HK2: variants seen among roughly 807,000 people sequenced by gnomAD.
HK2 encodes the protein hexokinase 2.
In HK2, 42 loss-of-function variants were observed where a neutral mutation model predicts 92.9. The ratio of observed to expected loss-of-function variants is 0.45; its 90% CI spans 0.35 to 0.58. The LOEUF is 0.58. HK2 is among the 20% of genes least tolerant of loss of function. HK2 has a pLI of 0.00. For synonymous variants in HK2, 422 were observed against 468.0 expected, an observed-to-expected ratio of 0.90 and a Z score of 1.27; for missense variants, 978 against 1,245.1, an observed-to-expected ratio of 0.79 and a Z score of 3.23.
rs181471300 is a variant in HK2, at chr2:74,837,583, C to T, written c.63+2940C>T. Among the ~76,000 whole-genome samples the T allele has an allele frequency of 3.3e-3, 503 of 152,246 alleles. 13 individuals carry two copies. Among genetic ancestry groups the T allele is most frequent in the Admixed American group, 0.029 (451 of 15,292 alleles). On this transcript the variant is annotated intron_variant, in intron 1 of 17. Coordinates refer to ENST00000290573, the MANE Select transcript of HK2 (RefSeq NM_000189.5). Reference sequence around the variant, plus strand: ...CTCTCTACAGCTCTTAATTGCCTCCCGCTTCTACCCCCCAGCTTAGCCTCA... The same window carrying T: ...CTCTCTACAGCTCTTAATTGCCTCCTGCTTCTACCCCCCAGCTTAGCCTCA...
At position 74,840,834 on chromosome 2, in the gene HK2, G is replaced by T. The variant is rs189738541; in HGVS notation, c.63+6191G>T. Among the ~76,000 whole-genome samples, 917 of 132,230 alleles carry T rather than the reference G, an allele frequency of 6.9e-3. 11 individuals carry two copies. Among genetic ancestry groups the T allele is most frequent in the African/African-American group, 0.026 (887 of 33,954 alleles). The allele number at this position is 132,230 out of a possible 152,430, so 86.7% of individuals were successfully genotyped here. On this transcript the variant is annotated intron_variant, in intron 1 of 17. Transcript: ENST00000290573. ...GTGGAGCTTGCAGTGAGCTGAGATC[G>T]CACCAATGCACTCCAGCCTGGGCGA...
In HK2 at chr2:74,881,752, TTCCGGG is replaced by T; in HGVS notation, c.1616_1621del (p.Arg539_Val540del). 1 of 1,614,174 alleles carries T rather than the reference TTCCGGG, an allele frequency of 6.2e-7. No individual in the cohort carries two copies. The highest frequency in any genetic ancestry group is 8.5e-7 in the Non-Finnish European group (1 of 1,180,016). On this transcript the variant is annotated inframe_deletion, in exon 11 of 18. Coordinates refer to ENST00000290573, the MANE Select transcript of HK2 (RefSeq NM_000189.5). ...GGCCTTGGACCTTGGAGGAACAAAT[TTCCGGG>T]TCCTGCTGGTCCGTGTTCGGAATGG...
At chr2:74,864,985 G>A (rs1688912607) in intron 2 of HK2, among the ~76,000 whole-genome samples, 3 of 151,406 alleles carry the variant, frequency 2.0e-5, no homozygotes, top group Admixed American at 2.0e-4. Flanking sequence ...TCAAAATGAG[G>A]CCTGCCTACC....
At chr2:74,838,429 T>C (rs1302507625) in intron 1 of HK2, among the ~76,000 whole-genome samples, 1 of 152,124 alleles carries the variant, frequency 6.6e-6, no homozygotes, top group Non-Finnish European at 1.5e-5. Context: ...GGCCAAAGCA[T>C]GACCTGAGGC....
In HK2 at chr2:74,878,788, G is replaced by A. The variant is rs756691328; in HGVS notation, c.1132G>A (p.Val378Met). The A allele has an allele frequency of 1.5e-5, 23 of 1,568,944 alleles. No homozygotes were observed. The highest frequency in any genetic ancestry group is 1.9e-5 in the Non-Finnish European group (22 of 1,157,792). Residue 378 changes from valine to methionine, a missense_variant, in exon 9 of 18, where the codon GTG (valine) becomes ATG (methionine). Around this residue, in one of 3 missense-constraint regions of HK2, gnomAD observed 742 missense variants for 922.5 expected, o/e 0.80. Transcript: ENST00000290573. ...GGCCACTCACCGGATCTGCCAGATC[G>A]TGTCCACACGCTCCGCCAGCCTGTG... is the stretch of plus-strand genomic sequence containing the variant. ...CVATHRICQIVSTRSASLCAA... is the reference protein window; with the variant it reads ...CVATHRICQIMSTRSASLCAA...
intron 7 of HK2, among the ~76,000 whole-genome samples, chr2:74,875,603 A>T (rs1412311493): frequency 1.3e-5 from 2 of 152,148 alleles, no homozygotes. Flanking sequence ...TGCTGGGATT[A>T]CAGGCGTGAG....
intron 14 of HK2, 30 bp downstream of exon 14, chr2:74,886,423 G>C (rs769351807): frequency 1.2e-6 from 2 of 1,613,660 alleles, no homozygotes; most frequent in African/African-American, 2.7e-5. Flanking sequence ...TTTCCACATG[G>C]GGATGCACAG....
At chr2:74,872,768 C>T (rs144371422) in intron 4 of HK2, among the ~76,000 whole-genome samples, 1 of 152,286 alleles carries the variant, frequency 6.6e-6, no homozygotes, top group Non-Finnish European at 1.5e-5. Flanking sequence ...CAAGTACAGT[C>T]ATGTATTGCA....
At chr2:74,871,259 C>T (rs1689091216) in intron 3 of HK2, among the ~76,000 whole-genome samples, 2 of 152,174 alleles carry the variant, frequency 1.3e-5, no homozygotes, top group South Asian at 4.1e-4. Context: ...CAGGAGCACA[C>T]TTTGAAAAGC....
chr2:74,886,790 G>C, intron 15 of HK2, 117 bp downstream of exon 15: 1 of 1,085,214 alleles, frequency 9.2e-7, no homozygotes, highest in Non-Finnish European at 1.4e-6. Flanking sequence ...GTTAATAAAG[G>C]AGGTTTTCTT....
At chr2:74,848,689 G>A (rs1293060596) in intron 1 of HK2, among the ~76,000 whole-genome samples, 1 of 152,174 alleles carries the variant, frequency 6.6e-6, no homozygotes, top group East Asian at 1.9e-4. Flanking sequence ...GGTAGGATCT[G>A]TAGTACTTCA....
intron 2 of HK2, among the ~76,000 whole-genome samples, chr2:74,856,284 C>T (rs558652865): frequency 6.6e-6 from 1 of 152,120 alleles, no homozygotes; most frequent in East Asian, 1.9e-4. Flanking sequence ...GAGACTGTAT[C>T]GTTCCCAAAA....
At chr2:74,874,174 G>A (rs1689167284) in intron 6 of HK2, 92 bp from the exon 7 acceptor site, 2 of 1,517,806 alleles carry the variant, frequency 1.3e-6, no homozygotes, top group Non-Finnish European at 1.8e-6. Flanking sequence ...CAGCCATCCT[G>A]GCCGGGCAGT....
At position 74,874,382 on chromosome 2, in the gene HK2, C is replaced by T. The variant is rs1689174989; in HGVS notation, c.808C>T (p.Leu270Phe). 1.9e-6 allele frequency: 3 copies of T among 1,613,752 alleles called. No homozygotes were observed. Among genetic ancestry groups the T allele is most frequent in the Non-Finnish European group, 2.5e-6 (3 of 1,179,812 alleles). ...EWGAFGDDGS[L>F]NDIRTEFDQE... ...GGGGGCCTTCGGGGACGATGGCTCG[C>T]TCAACGACATTCGCACTGAGTTTGA... Residue 270 changes from leucine to phenylalanine, a missense_variant, in exon 7 of 18, where the codon CTC becomes TTC. Coordinates refer to ENST00000290573, the MANE Select transcript of HK2 (RefSeq NM_000189.5).
intron 2 of HK2, among the ~76,000 whole-genome samples, chr2:74,861,319 C>T (rs1573370293): frequency 6.6e-6 from 1 of 151,684 alleles, no homozygotes; most frequent in African/African-American, 2.4e-5. Flanking sequence ...TACTGGGGGG[C>T]TGAGACACGA....
In HK2 at chr2:74,891,910, A is replaced by G. The variant is rs1304855050; in HGVS notation, c.*969A>G. ...CAGAAGGGGAAGATACTGACTAGTC[A>G]TAGAAATACCTCATTCGCCTGTGGG... On this transcript the variant is annotated 3_prime_UTR_variant, in exon 18 of 18. Transcript: ENST00000290573. The G allele has an allele frequency of 6.6e-6, 1 of 152,670 alleles. No homozygotes were observed. Among genetic ancestry groups the G allele is most frequent in the East Asian group, 1.9e-4 (1 of 5,198 alleles). The allele number at this position is 152,670 out of a possible 1,614,324, so 9.5% of individuals were successfully genotyped here. A position where few individuals can be genotyped will look rare whatever the true frequency, so the allele number is the denominator to read the frequency against.
At chr2:74,835,467 T>C (rs937636965) in intron 1 of HK2, 4 of 152,368 alleles carry the variant, frequency 2.6e-5, no homozygotes, top group Admixed American at 1.3e-4. Flanking sequence ...AGCTTTTTTT[T>C]CCTTAAGCCT....
chr2:74,873,046 A>T (rs890511809), intron 4 of HK2, among the ~76,000 whole-genome samples: 3 of 152,254 alleles, frequency 2.0e-5, no homozygotes, highest in Admixed American at 6.5e-5. Context: ...CCACCGCAGT[A>T]TACACAATCT....
At chr2:74,889,760 C>G (rs28363060) in intron 17 of HK2, among the ~76,000 whole-genome samples, 2 of 152,148 alleles carry the variant, frequency 1.3e-5, no homozygotes, top group Admixed American at 6.5e-5. Flanking sequence ...TTCTTTTCCA[C>G]CCCCATATAT....
Sources: allele counts gnomAD v4.1 joint callset (sites outside exome capture counted in the v4.1 genomes callset), GRCh38; gene constraint gnomAD v4.1.1; regional missense constraint gnomAD v4.1.1; transcripts MANE v1.5; gene names NCBI Gene and HGNC (gene_info 2026-07-23, HGNC 2026-07-21).